The following CCDC171 variants were observed in gnomAD, a reference collection of about 807,000 sequenced individuals.
CCDC171 encodes coiled-coil domain-containing protein 171.
CCDC171 carries 177 observed loss-of-function variants against 168.2 expected under a neutral mutation model. The ratio of observed to expected loss-of-function variants is 1.05; its 90% CI spans 0.93 to 1.19. The LOEUF is 1.19. CCDC171 is among the 50% of genes most tolerant of loss of function. The pLI, the probability that CCDC171 is intolerant of heterozygous loss-of-function variation, is 0.00. For synonymous variants in CCDC171, 687 were observed against 540.8 expected (o/e 1.27, Z -3.75); for missense variants, 1,991 against 1,539.0 (o/e 1.29, Z -4.91).
intron 25 of CCDC171, among the ~76,000 whole-genome samples, chr9:15,954,108 A>G (rs1829509778): frequency 6.6e-6 from 1 of 150,748 alleles, no homozygotes; most frequent in African/African-American, 2.4e-5. Flanking sequence ...TGGTCTTTTC[A>G]AAGAACCAAC....
intron 25 of CCDC171, among the ~76,000 whole-genome samples, chr9:15,953,053 C>T (rs10810503): frequency 0.31 from 47,042 of 152,012 alleles, 9,122 homozygotes; most frequent in East Asian, 0.62. Context: ...TTGCTGAATT[C>T]ATTTATTATT....
At chr9:15,993,191 A>G (rs1832255880) in intron 3 of CCDC171, among the ~76,000 whole-genome samples, 1 of 151,738 alleles carries the variant, frequency 6.6e-6, no homozygotes, top group Non-Finnish European at 1.5e-5. Flanking sequence ...CTGACTTCAA[A>G]CTATACTACA....
Position 16,001,132 on chromosome 9 carries a change from C to A in CCDC171, n.369-19457C>A, listed in dbSNP as rs114479524. Among the ~76,000 whole-genome samples the A allele has an allele frequency of 5.1e-3, 779 of 152,264 alleles. 8 individuals are homozygous for A. Among genetic ancestry groups the A allele is most frequent in the African/African-American group, 0.018 (759 of 41,556 alleles). On this transcript the variant is annotated intron_variant and non_coding_transcript_variant, in intron 3 of 9. Coordinates refer to the CCDC171 transcript ENST00000486641. ...CTAGTGACTCAGAGAAGGGCCTCAC[C>A]TTTTCAGGATTCAGTTGCCTAGAAA...
chr9:15,749,326 T>G (rs903915623), intron 18 of CCDC171, among the ~76,000 whole-genome samples: 1 of 152,144 alleles, frequency 6.6e-6, no homozygotes, highest in African/African-American at 2.4e-5. Flanking sequence ...ATAAAGCAAG[T>G]TCTTAGAGAC....
At chr9:15,684,192 C>T (rs759695348) in intron 10 of CCDC171, among the ~76,000 whole-genome samples, 28 of 152,096 alleles carry the variant, frequency 1.8e-4, no homozygotes, top group Non-Finnish European at 3.7e-4. Flanking sequence ...GATGCTTCCT[C>T]GTTTTTACTT....
At chr9:15,636,156 A>G (rs998768380) in intron 7 of CCDC171, among the ~76,000 whole-genome samples, 28 of 151,094 alleles carry the variant, frequency 1.9e-4, no homozygotes, top group African/African-American at 5.8e-4. Context: ...TGTACTATGT[A>G]TATATATATA....
chr9:15,634,091 G>C (rs896920279), intron 7 of CCDC171, among the ~76,000 whole-genome samples: 6 of 151,960 alleles, frequency 3.9e-5, no homozygotes, highest in African/African-American at 1.2e-4. Context: ...TGAGTTAATG[G>C]GTGCAGCGCA....
In CCDC171 at chr9:15,669,972, A is replaced by G. The variant is rs958192172; in HGVS notation, c.1076+3649A>G. Among the ~76,000 whole-genome samples the G allele has an allele frequency of 6.3e-4, 95 of 151,244 alleles. 1 individual carries two copies. The South Asian group carries it at 0.019, about 30-fold the overall frequency. On this transcript the variant is annotated intron_variant, in intron 9 of 25. Coordinates refer to ENST00000380701, the MANE Select transcript of CCDC171 (RefSeq NM_173550.4). Reference sequence around the variant, plus strand: ...AGTCTTAAAAAAAAAAAAAAAAAAAAAAGAATGGGACTCCAGTAGGAAAGA... The same window carrying G: ...AGTCTTAAAAAAAAAAAAAAAAAAAGAAGAATGGGACTCCAGTAGGAAAGA...
intron 9 of CCDC171, among the ~76,000 whole-genome samples, chr9:15,667,365 G>T (rs1331080795): frequency 1.3e-5 from 2 of 152,050 alleles, no homozygotes. Flanking sequence ...TGCTTTATTG[G>T]CTGGGCACGG....
intron 10 of CCDC171, among the ~76,000 whole-genome samples, chr9:15,679,325 C>T (rs1002030140): frequency 1.3e-5 from 2 of 152,140 alleles, no homozygotes; most frequent in Admixed American, 6.5e-5. Context: ...CCAAGTTTAT[C>T]TTTGTAAAAT....
intron 24 of CCDC171, among the ~76,000 whole-genome samples, chr9:15,882,873 A>T (rs1445681754): frequency 1.3e-5 from 2 of 150,364 alleles, no homozygotes; most frequent in East Asian, 2.0e-4. Flanking sequence ...TGTTTGTTTG[A>T]TGGTGGTGGA....
intron 11 of CCDC171, among the ~76,000 whole-genome samples, chr9:15,719,326 CT>C (rs982877003): frequency 2.1e-5 from 3 of 142,586 alleles, no homozygotes; most frequent in African/African-American, 7.9e-5. Context: ...TGAAGCACTC[CT>C]ACAGGATTTA....
chr9:15,975,414 AT>A (rs1831591301), downstream of CCDC171, among the ~76,000 whole-genome samples: 1 of 152,206 alleles, frequency 6.6e-6, no homozygotes, highest in Admixed American at 6.5e-5. Context: ...GCTAGGAATA[AT>A]TTTGATAAGT....
At chr9:15,959,308 C>G (rs1359219097) in intron 25 of CCDC171, among the ~76,000 whole-genome samples, 1 of 152,088 alleles carries the variant, frequency 6.6e-6, no homozygotes, top group Non-Finnish European at 1.5e-5. Flanking sequence ...TGGATTCTGC[C>G]TATGTCCCAC....
At chr9:15,853,902 A>G (rs766244368) in intron 23 of CCDC171, among the ~76,000 whole-genome samples, 8 of 151,482 alleles carry the variant, frequency 5.3e-5, no homozygotes, top group Non-Finnish European at 1.0e-4. Context: ...TGTACTACCT[A>G]ACATGATTTA....
intron 21 of CCDC171, among the ~76,000 whole-genome samples, chr9:15,799,806 T>C (rs1324431374): frequency 6.6e-6 from 1 of 152,092 alleles, no homozygotes; most frequent in Non-Finnish European, 1.5e-5. Context: ...ACCATCCTTC[T>C]ACTGTCTATC....
intron 8 of CCDC171, among the ~76,000 whole-genome samples, chr9:15,662,333 A>G (rs189321703): frequency 1.3e-4 from 19 of 146,904 alleles, no homozygotes; most frequent in Admixed American, 6.8e-4. Flanking sequence ...GAAATTTTGG[A>G]TAATTAAAAA....
chr9:15,591,594 A>G (rs1256987500), intron 5 of CCDC171, 38 bp downstream of exon 5: 3 of 1,134,208 alleles, frequency 2.6e-6, no homozygotes, highest in East Asian at 4.7e-5. Context: ...CCGATATGTA[A>G]TATTCACCGA....
chr9:15,796,449 T>A (rs931135561), intron 21 of CCDC171, among the ~76,000 whole-genome samples: 7 of 152,168 alleles, frequency 4.6e-5, no homozygotes, highest in East Asian at 1.9e-4. Flanking sequence ...TTTAAAGTTA[T>A]GGGAGAAAAA....
Sources: gnomAD v4.1 joint callset for allele counts (sites outside exome capture counted in the v4.1 genomes callset) on GRCh38, gnomAD v4.1.1 for gene constraint, MANE v1.5 for transcripts, NCBI Gene and HGNC (gene_info 2026-07-23, HGNC 2026-07-21) for gene names.